TAF6L: variants seen among roughly 807,000 people sequenced by gnomAD.
TAF6L encodes the protein TATA-box binding protein associated factor 6 like.
A neutral mutation model predicts 57.3 loss-of-function variants in TAF6L; 34 were observed. That is an observed-to-expected ratio of 0.59 (90% CI 0.45 to 0.79). TAF6L has a LOEUF of 0.79. Ranked by LOEUF, TAF6L falls within the 30% of genes least tolerant of loss-of-function variation. The probability of loss-of-function intolerance (pLI) is 0.00; values close to 1 mark genes in which losing one functional copy is unlikely to be tolerated. For missense variants in TAF6L, 782 were observed against 853.2 expected (o/e 0.92, Z 1.04); for synonymous variants, 417 against 376.3 (o/e 1.11, Z -1.25).
chr11:62,778,823 G>C (rs2084205999), intron 5 of TAF6L, 46 bp from the exon 6 acceptor site: 1 of 1,546,686 alleles, frequency 6.5e-7, no homozygotes. Context: ...GGCCAGGAGA[G>C]GGCCAGCTCT....
intron 7 of TAF6L, 29 bp from the exon 8 acceptor site, chr11:62,782,084 C>G: frequency 6.3e-7 from 1 of 1,591,354 alleles, no homozygotes; most frequent in Non-Finnish European, 8.6e-7. Context: ...CCCCTCATGT[C>G]CCTGTAAGCT....
At position 62,787,141 on chromosome 11, in the gene TAF6L, C is replaced by A; in HGVS notation, c.1714C>A (p.Arg572Ser). Residue 572 changes from arginine to serine, a missense_variant, in exon 11 of 11, where the codon CGC becomes AGC. This residue lies in a region of TAF6L where 483 missense variants were observed against 445.1 expected (regional missense o/e 1.09). Transcript: ENST00000294168. ...CATAGCCGGGCGGCAGGCTGGGAGG[C>A]GCTGCCGCGGGCGCCTTTTCCAGAC... Reference protein sequence around the residue: ...FIIAGRQAGRRCRGRLFQTAF... With the variant: ...FIIAGRQAGRSCRGRLFQTAF... The A allele has an allele frequency of 1.3e-6, 2 of 1,566,506 alleles. No homozygotes were observed. Among genetic ancestry groups the A allele is most frequent in the South Asian group, 1.1e-5 (1 of 87,520 alleles).
At chr11:62,776,777 G>GC (rs1394298991) in intron 3 of TAF6L, among the ~76,000 whole-genome samples, 1 of 151,050 alleles carries the variant, frequency 6.6e-6, no homozygotes, top group African/African-American at 2.4e-5. Context: ...CTTGAACCTA[G>GC]CAGGCAGAGG....
Position 62,778,892 on chromosome 11 carries a change from A to G in TAF6L, c.460A>G (p.Thr154Ala), listed in dbSNP as rs1231711488. 1 of 1,614,142 alleles carries G rather than the reference A, an allele frequency of 6.2e-7. No individual in the cohort carries two copies. The highest frequency in any genetic ancestry group is 1.7e-5 in the Admixed American group (1 of 60,014). Reference protein sequence around the residue: ...GSVPSAVSSLTDDLLKYYHQV... With the variant: ...GSVPSAVSSLADDLLKYYHQV... ...AGTGCCCAGTGCTGTGTCTTCACTG[A>G]CAGATGACCTTCTCAAGTACTATCA... The change falls in exon 6 of 11, where the codon ACA becomes GCA. Residue 154 changes from threonine (T) to alanine (A), a missense_variant. Physicochemically the swap from Thr to Ala is moderately conservative, Grantham distance 58 (BLOSUM62 0). This residue lies in a region of TAF6L where 220 missense variants were observed against 252.1 expected (regional missense o/e 0.87). Transcript: ENST00000294168.
At position 62,786,764 on chromosome 11, in the gene TAF6L, C is replaced by G. The variant is rs748865135; in HGVS notation, c.1337C>G (p.Ala446Gly). The G allele has an allele frequency of 6.2e-7, 1 of 1,612,766 alleles. No homozygotes were observed. Among genetic ancestry groups the G allele is most frequent in the Non-Finnish European group, 8.5e-7 (1 of 1,179,878 alleles). Reference sequence around the variant, plus strand: ...GCCGACATCTACCGGGAGCTCTACGCCTTCTTCGGTGACAGCTTGGCCACA... The same window carrying G: ...GCCGACATCTACCGGGAGCTCTACGGCTTCTTCGGTGACAGCTTGGCCACA... ...TLADIYRELY[A>G]FFGDSLATRF... Residue 446 changes from alanine to glycine, a missense_variant, in exon 11 of 11, where the codon GCC becomes GGC. Around this residue, in one of 3 missense-constraint regions of TAF6L, gnomAD observed 483 missense variants for 445.1 expected, o/e 1.09. Coordinates refer to ENST00000294168, the MANE Select transcript of TAF6L (RefSeq NM_006473.4).
chr11:62,775,041 C>A (rs544497303), intron 1 of TAF6L, among the ~76,000 whole-genome samples: 1 of 145,604 alleles, frequency 6.9e-6, no homozygotes, highest in Non-Finnish European at 1.5e-5. Flanking sequence ...TCCAGCCTGG[C>A]GCCAGAGCGA....
At chr11:62,784,524 T>C (rs939161835) in intron 9 of TAF6L, among the ~76,000 whole-genome samples, 2 of 151,772 alleles carry the variant, frequency 1.3e-5, no homozygotes, top group African/African-American at 4.8e-5. Context: ...GCCAGGATGG[T>C]CTCGATCTCC....
intron 1 of TAF6L, among the ~76,000 whole-genome samples, chr11:62,772,818 AAAG>A (rs1308766117): frequency 1.3e-5 from 2 of 151,840 alleles, no homozygotes. Context: ...AAAAAAAAAA[AAAG>A]AATAGTTCTT....
Position 62,786,927 on chromosome 11 carries a change from G to C in TAF6L, c.1500G>C (p.Glu500Asp). The change falls in exon 11 of 11, where the codon GAG becomes GAC. Residue 500 changes from glutamate (E) to aspartate (D), a missense_variant. Glu to Asp is a conservative substitution (Grantham distance 45). Around this residue, in one of 3 missense-constraint regions of TAF6L, gnomAD observed 483 missense variants for 445.1 expected, o/e 1.09. Coordinates refer to ENST00000294168, the MANE Select transcript of TAF6L (RefSeq NM_006473.4). ...CCATAGTCAGCCCGCACGGCGACGA[G>C]AGCCCCCGGGGCAGCGGCGGAGGCG... ...ASAIVSPHGD[E>D]SPRGSGGGGP... is the part of the protein sequence containing the mutation. The C allele has an allele frequency of 6.7e-7, 1 of 1,487,044 alleles. No homozygotes were observed. Among genetic ancestry groups the C allele is most frequent in the Non-Finnish European group, 8.9e-7 (1 of 1,127,436 alleles). The allele number at this position is 1,487,044 out of a possible 1,614,324, so 92.1% of individuals were successfully genotyped here.
Position 62,786,855 on chromosome 11 carries a change from G to A in TAF6L, c.1428G>A (p.Ala476=). 1 of 1,594,248 alleles carries A rather than the reference G, an allele frequency of 6.3e-7. No individual in the cohort carries two copies. Among genetic ancestry groups the A allele is most frequent in the South Asian group, 1.1e-5 (1 of 90,458 alleles). Reference sequence around the variant, plus strand: ...CGCCCGGGGACAAGAAGGAGCCGGCGGCAGCCCCGGACTCGGTGCGGAAGA... The same window carrying A: ...CGCCCGGGGACAAGAAGGAGCCGGCAGCAGCCCCGGACTCGGTGCGGAAGA... ...PRPPGDKKEP[A]AAPDSVRKMP... is the part of the protein sequence containing the mutation. The change falls in exon 11 of 11, where the codon GCG becomes GCA. Residue 476 remains alanine (A), a synonymous_variant. Transcript: ENST00000294168.
chr11:62,778,827 C>A lies in TAF6L; in HGVS notation c.437-42C>A, dbSNP rs547964724. 7 of 1,557,898 alleles carry A rather than the reference C, an allele frequency of 4.5e-6. No individual in the cohort carries two copies. In the East Asian group the frequency reaches 1.3e-4, roughly 30 times the overall value. On this transcript the variant is annotated intron_variant, in intron 5 of 10. Coordinates refer to ENST00000294168, the MANE Select transcript of TAF6L (RefSeq NM_006473.4). ...GAGGCTGGAGAGGCCAGGAGAGGGC[C>A]AGCTCTCCACCTGTCCCTGCTTCCT...
chr11:62,776,496 G>A lies in TAF6L; in HGVS notation c.234+26G>A. ...GTGAGTGGGGTGCAGGCTACAGAGG[G>A]CTCAGGTGGCATGAGGCCACTTCCA... On this transcript the variant is annotated intron_variant, in intron 3 of 10. Coordinates refer to ENST00000294168, the MANE Select transcript of TAF6L (RefSeq NM_006473.4). 1.2e-6 allele frequency: 2 copies of A among 1,609,344 alleles called. 1 individual carries two copies. Among genetic ancestry groups the A allele is most frequent in the South Asian group, 2.2e-5 (2 of 91,004 alleles).
intron 5 of TAF6L, 94 bp downstream of exon 5, chr11:62,778,429 A>G (rs963330258): frequency 1.1e-4 from 161 of 1,448,054 alleles, no homozygotes; most frequent in Admixed American, 4.8e-4. Flanking sequence ...TGCGTCTAAC[A>G]TGTGTTTACC....
intron 9 of TAF6L, among the ~76,000 whole-genome samples, chr11:62,785,309 A>C (rs1238852703): frequency 2.0e-5 from 3 of 151,164 alleles, no homozygotes; most frequent in Non-Finnish European, 2.9e-5. Context: ...CTCCTGCTTC[A>C]GCCTCCCGAG....
At position 62,786,979 on chromosome 11, in the gene TAF6L, G is replaced by A; in HGVS notation, c.1552G>A (p.Ala518Thr). 6.9e-7 allele frequency: 1 copy of A among 1,447,732 alleles called. No homozygotes were observed. 89.7% of individuals were successfully genotyped at this position (1,447,732 alleles called of 1,614,324 possible). A position where few individuals can be genotyped will look rare whatever the true frequency, so the allele number is the denominator to read the frequency against. ...GGPASASGPA[A>T]SESRPLPRVH... Reference sequence around the variant, plus strand: ...CCCCGCGTCGGCCTCTGGGCCCGCCGCCTCTGAGAGCAGGCCCTTGCCGCG... The same window carrying A: ...CCCCGCGTCGGCCTCTGGGCCCGCCACCTCTGAGAGCAGGCCCTTGCCGCG... The change falls in exon 11 of 11, where the codon GCC becomes ACC. Residue 518 changes from alanine (A) to threonine (T), a missense_variant. Physicochemically the swap from Ala to Thr is moderately conservative, Grantham distance 58. Coordinates refer to ENST00000294168, the MANE Select transcript of TAF6L (RefSeq NM_006473.4).
At position 62,778,924 on chromosome 11, in the gene TAF6L, G is replaced by A. The variant is rs2084206848; in HGVS notation, c.492G>A (p.Val164=). 11 of 1,614,064 alleles carry A rather than the reference G, an allele frequency of 6.8e-6. No homozygotes were observed. Among genetic ancestry groups the A allele is most frequent in the Non-Finnish European group, 9.3e-6 (11 of 1,180,006 alleles). The part of the protein sequence containing the change: ...TDDLLKYYHQ[V]TRAVLGDDPQ... ...ACCTTCTCAAGTACTATCACCAGGT[G>A]ACTCGTGCTGTGCTAGGGGATGATC... Residue 164 remains valine (V), a synonymous_variant, in exon 6 of 11, where the codon GTG becomes GTA. Coordinates refer to ENST00000294168, the MANE Select transcript of TAF6L (RefSeq NM_006473.4).
chr11:62,772,166 A>C (rs1215418705), intron 1 of TAF6L: 1 of 456,206 alleles, frequency 2.2e-6, no homozygotes. Flanking sequence ...ATAATATCTT[A>C]TTATTGAGAA....
rs2084184864 is a variant in TAF6L, at chr11:62,775,941, C to T, written c.147+11C>T. 1 of 1,595,298 alleles carries T rather than the reference C, an allele frequency of 6.3e-7. No individual in the cohort carries two copies. Among genetic ancestry groups the T allele is most frequent in the African/African-American group, 1.3e-5 (1 of 74,348 alleles). On this transcript the variant is annotated intron_variant, in intron 2 of 10. Coordinates refer to ENST00000294168, the MANE Select transcript of TAF6L (RefSeq NM_006473.4). ...AGAGAGGCCACGCAGGTACACTCCC[C>T]TCACCCCCTGATACCTCCAACTTTC...
chr11:62,784,038 G>GAAAAAAAAAAAAA (rs2084251330), intron 9 of TAF6L, among the ~76,000 whole-genome samples: 1 of 358 alleles, frequency 2.8e-3, no homozygotes, highest in African/African-American at 0.011. Context: ...GCCCGGGCTG[G>GAAAAAAAAAAAAA]AGTGCAGTGG....
Sources: allele counts gnomAD v4.1 joint callset (sites outside exome capture counted in the v4.1 genomes callset), GRCh38; gene constraint gnomAD v4.1.1; regional missense constraint gnomAD v4.1.1; transcripts MANE v1.5; gene names NCBI Gene and HGNC (gene_info 2026-07-23, HGNC 2026-07-21).